Variants in BAZ1A observed in about 807,000 individuals in gnomAD.
BAZ1A encodes the protein bromodomain adjacent to zinc finger domain 1A, also known as bromodomain adjacent to zinc finger domain protein 1A.
In BAZ1A, 50 loss-of-function variants were observed where a neutral mutation model predicts 185.2. That is an observed-to-expected ratio of 0.27 (90% CI 0.22 to 0.34). The LOEUF is 0.34. BAZ1A is among the 10% of genes least tolerant of loss of function. The pLI is 1.00. For missense variants in BAZ1A, 1,356 were observed against 1,839.9 expected (o/e 0.74, Z 4.81); for synonymous variants, 571 against 615.6 (o/e 0.93, Z 1.07).
At chr14:34,826,840 G>A (rs2042171337) in intron 3 of BAZ1A, among the ~76,000 whole-genome samples, 1 of 152,212 alleles carries the variant, frequency 6.6e-6, no homozygotes, top group South Asian at 2.1e-4. Flanking sequence ...ACAGAAGAGT[G>A]CTGTGTGAGT....
chr14:34,862,832 C>A (rs2042791051), intron 2 of BAZ1A, among the ~76,000 whole-genome samples: 1 of 151,008 alleles, frequency 6.6e-6, no homozygotes, highest in Non-Finnish European at 1.5e-5. Flanking sequence ...ATAAAAGGTA[C>A]CTATAGAAGC....
intron 4 of BAZ1A, among the ~76,000 whole-genome samples, chr14:34,820,122 GTTTTTTTTTTT>G (rs59706713): frequency 1.2e-5 from 1 of 80,662 alleles, no homozygotes; most frequent in Non-Finnish European, 2.2e-5. Context: ...TGGGTTCCTC[GTTTTTTTTTTT>G]TTTTTTTTTT....
intron 16 of BAZ1A, among the ~76,000 whole-genome samples, chr14:34,782,287 C>T (rs1252275703): frequency 6.6e-6 from 1 of 152,146 alleles, no homozygotes; most frequent in East Asian, 1.9e-4. Flanking sequence ...TGGTATCTTA[C>T]TGTGGTTTTG....
chr14:34,872,875 T>A (rs1315940798), intron 2 of BAZ1A, among the ~76,000 whole-genome samples: 7 of 142,910 alleles, frequency 4.9e-5, no homozygotes, highest in African/African-American at 1.8e-4. Context: ...GTTTTTTTTT[T>A]ATCGTAATTG....
chr14:34,850,271 C>T (rs548013331), intron 3 of BAZ1A, among the ~76,000 whole-genome samples: 2 of 152,100 alleles, frequency 1.3e-5, no homozygotes, highest in Non-Finnish European at 2.9e-5. Flanking sequence ...CCAGCTACTT[C>T]GGAGGCTGAG....
At chr14:34,763,632 T>A (rs1018544544) in intron 23 of BAZ1A, among the ~76,000 whole-genome samples, 1 of 152,172 alleles carries the variant, frequency 6.6e-6, no homozygotes, top group African/African-American at 2.4e-5. Context: ...TTAAACAAAC[T>A]GAAGGTTTGT....
intron 21 of BAZ1A, among the ~76,000 whole-genome samples, chr14:34,766,376 A>G (rs1328848377): frequency 2.0e-5 from 3 of 152,202 alleles, no homozygotes; most frequent in Non-Finnish European, 4.4e-5. Context: ...GTGAAGAAAT[A>G]CACAATGAGT....
intron 3 of BAZ1A, among the ~76,000 whole-genome samples, chr14:34,843,042 T>A (rs148375734): frequency 6.6e-6 from 1 of 152,162 alleles, no homozygotes; most frequent in Non-Finnish European, 1.5e-5. Flanking sequence ...TTTAGTAGTC[T>A]TGTATTCATC....
At chr14:34,859,727 ACTAC>A (rs1228514405) in intron 3 of BAZ1A, among the ~76,000 whole-genome samples, 41 of 152,158 alleles carry the variant, frequency 2.7e-4, no homozygotes, top group African/African-American at 9.2e-4. Flanking sequence ...TACCTTACTT[ACTAC>A]TCCCTTGTCA....
intron 3 of BAZ1A, among the ~76,000 whole-genome samples, chr14:34,853,418 A>C (rs894332796): frequency 6.6e-6 from 1 of 152,178 alleles, no homozygotes; most frequent in African/African-American, 2.4e-5. Flanking sequence ...CTGTTACCTG[A>C]TTGCTTCTTT....
intron 3 of BAZ1A, among the ~76,000 whole-genome samples, chr14:34,832,452 CAA>C (rs34242045): frequency 0.57 from 80,778 of 140,494 alleles, 22,847 homozygotes; most frequent in South Asian, 0.67. Context: ...TCTCACAACT[CAA>C]AAAAAAAAAA....
intron 3 of BAZ1A, among the ~76,000 whole-genome samples, chr14:34,835,220 C>T (rs1363380759): frequency 6.6e-6 from 1 of 151,876 alleles, no homozygotes; most frequent in African/African-American, 2.4e-5. Context: ...CGCCACCATG[C>T]CCAGCTAATT....
At chr14:34,764,511 C>G (rs1277449223) in intron 23 of BAZ1A, among the ~76,000 whole-genome samples, 196 bp downstream of exon 23, 2 of 151,954 alleles carry the variant, frequency 1.3e-5, no homozygotes, top group Non-Finnish European at 2.9e-5. Flanking sequence ...AGGCTGATCT[C>G]GAACTCCTGA....
At chr14:34,784,069 C>G in intron 14 of BAZ1A, 142 bp from the exon 15 acceptor site, 1 of 761,692 alleles carries the variant, frequency 1.3e-6, no homozygotes, top group Non-Finnish European at 2.0e-6. Context: ...GACATGTCTT[C>G]AGGAAAAAGC....
chr14:34,768,058 G>A (rs1878968033), intron 21 of BAZ1A, among the ~76,000 whole-genome samples: 1 of 151,992 alleles, frequency 6.6e-6, no homozygotes, highest in Admixed American at 6.6e-5. Context: ...TTTTTCTGTT[G>A]TTTCCTTATC....
rs200057085 is a variant in BAZ1A, at chr14:34,792,727, C to T, written c.1510+48G>A. On this transcript the variant is annotated intron_variant, in intron 12 of 26. Transcript: ENST00000360310. The stretch of plus-strand genomic sequence containing the variant: ...AAAATTGGCCCTCAAAAATTAGTTT[C>T]GCTACAAAACTACTATGGTTCAATC... The T allele has an allele frequency of 5.6e-4, 880 of 1,585,332 alleles. 4 individuals are homozygous for T. The African/African-American group carries it at 8.5e-3, about 15-fold the overall frequency.
intron 24 of BAZ1A, among the ~76,000 whole-genome samples, chr14:34,760,764 A>AT (rs1886488039): frequency 1.3e-5 from 2 of 152,086 alleles, no homozygotes. Context: ...GGGCTGGAGG[A>AT]TTGCTTGAGC....
chr14:34,852,146 A>T (rs914680456), intron 3 of BAZ1A, among the ~76,000 whole-genome samples: 5 of 151,706 alleles, frequency 3.3e-5, no homozygotes, highest in Admixed American at 1.3e-4. Context: ...AAAAAAGACC[A>T]CATAAAAATG....
chr14:34,801,470 A>T lies in BAZ1A; in HGVS notation c.862-277T>A, dbSNP rs1881556266. On this transcript the variant is annotated intron_variant, in intron 7 of 26. Transcript: ENST00000360310. ...CCACACCTGGCTAATTTTTTTTTGT[A>T]TTTTTAGTAGATACAGGGTTTTGCC... 2.0e-5 allele frequency among the ~76,000 whole-genome samples: 3 copies of T among 151,366 alleles called. 1 individual carries two copies. The South Asian group carries it at 6.2e-4, about 32-fold the overall frequency.
Sources: gnomAD v4.1 joint callset for allele counts (sites outside exome capture counted in the v4.1 genomes callset) on GRCh38, gnomAD v4.1.1 for gene constraint, MANE v1.5 for transcripts, NCBI Gene and HGNC (gene_info 2026-07-23, HGNC 2026-07-21) for gene names.